Variants in GAB1 observed in about 807,000 individuals in gnomAD.
GAB1 encodes GRB2-associated-binding protein 1.
A neutral mutation model predicts 66.5 loss-of-function variants in GAB1; 19 were observed. The ratio of observed to expected loss-of-function variants is 0.29; its 90% CI spans 0.20 to 0.42. GAB1 has a LOEUF of 0.42. GAB1 is among the 10% of genes least tolerant of loss of function. The probability of loss-of-function intolerance (pLI) is 1.00; values close to 1 mark genes in which losing one functional copy is unlikely to be tolerated. For synonymous variants in GAB1, 294 were observed against 301.4 expected (o/e 0.98, Z 0.25); for missense variants, 732 against 858.5 (o/e 0.85, Z 1.84).
intron 1 of GAB1, among the ~76,000 whole-genome samples, chr4:143,364,931 G>A (rs1729817866): frequency 7.0e-6 from 1 of 141,922 alleles, no homozygotes; most frequent in African/African-American, 2.7e-5. Flanking sequence ...AGGCTGGAGT[G>A]CAGTGGCGCT....
intron 2 of GAB1, among the ~76,000 whole-genome samples, chr4:143,419,641 A>C (rs1298622723): frequency 6.6e-6 from 1 of 152,168 alleles, no homozygotes; most frequent in Admixed American, 6.5e-5. Flanking sequence ...TAAAACAAGT[A>C]TCTAAGGACT....
chr4:143,349,999 C>G lies in GAB1; in HGVS notation c.72+12739C>G, dbSNP rs960680298. The G allele has an allele frequency of 1.0e-5, 16 of 1,576,330 alleles. No individual in the cohort carries two copies. The African/African-American group carries it at 1.9e-4, about 19-fold the overall frequency. On this transcript the variant is annotated intron_variant, in intron 1 of 9. Transcript: ENST00000262994. Reference sequence around the variant, plus strand: ...CATCCACTCCTTATCCTCGGCCTTGCCTCCGCGACCCCGGCCCCGGATGCC... The same window carrying G: ...CATCCACTCCTTATCCTCGGCCTTGGCTCCGCGACCCCGGCCCCGGATGCC...
chr4:143,340,214 T>G (rs1201954307), intron 1 of GAB1, among the ~76,000 whole-genome samples: 1 of 152,218 alleles, frequency 6.6e-6, no homozygotes, highest in African/African-American at 2.4e-5. Context: ...TTTTTTTATG[T>G]AGAATGTTTA....
intron 1 of GAB1, among the ~76,000 whole-genome samples, chr4:143,381,460 G>A (rs545636377): frequency 4.5e-4 from 69 of 152,228 alleles, no homozygotes; most frequent in African/African-American, 1.5e-3. Flanking sequence ...TTCAGCCCTT[G>A]GCCTCTGTAG....
chr4:143,425,508 T>A, intron 2 of GAB1: 1 of 762,060 alleles, frequency 1.3e-6, no homozygotes, highest in Non-Finnish European at 2.4e-6. Flanking sequence ...TTCTCCTCTG[T>A]GCCATGTGGA....
At position 143,348,116 on chromosome 4, in the gene GAB1, T is replaced by C. The variant is rs80194956; in HGVS notation, c.72+10856T>C. On this transcript the variant is annotated intron_variant, in intron 1 of 9. Coordinates refer to ENST00000262994, the MANE Select transcript of GAB1 (RefSeq NM_002039.4). ...TGAAATCGTGAACTCCTTTGAAAAT[T>C]TGAGGCTCCCAGTTCCCATAAGAAC... Among the ~76,000 whole-genome samples the C allele has an allele frequency of 4.3e-3, 653 of 152,314 alleles. 3 individuals are homozygous for C. Among genetic ancestry groups the C allele is most frequent in the Non-Finnish European group, 7.2e-3 (488 of 68,032 alleles).
chr4:143,344,312 C>T (rs1367935034), intron 1 of GAB1, among the ~76,000 whole-genome samples: 1 of 152,154 alleles, frequency 6.6e-6, no homozygotes, highest in Non-Finnish European at 1.5e-5. Context: ...AACCCCCTCT[C>T]CCTGTGGATG....
rs755682103 is a variant in GAB1, at chr4:143,436,961, G to A, written c.594-1038G>A. 1.6e-4 allele frequency among the ~76,000 whole-genome samples: 25 copies of A among 152,082 alleles called. 1 individual carries two copies. The highest frequency in any genetic ancestry group is 4.1e-4 in the South Asian group (2 of 4,826). On this transcript the variant is annotated intron_variant, in intron 3 of 9. Transcript: ENST00000262994. ...GTTGGCCATTCCCAGGGAGAGAGAC[G>A]GGAGGAAGGAGCCAGTAAGTGAAAC...
At chr4:143,338,385 C>T (rs994972831) in intron 1 of GAB1, among the ~76,000 whole-genome samples, 3 of 152,134 alleles carry the variant, frequency 2.0e-5, no homozygotes, top group African/African-American at 7.2e-5. Context: ...ATATCTACAC[C>T]CAGTATTAGA....
Position 143,459,407 on chromosome 4 carries a change from A to G in GAB1, c.1608A>G (p.Ile536Met), listed in dbSNP as rs761922949. 5 of 1,609,574 alleles carry G rather than the reference A, an allele frequency of 3.1e-6. No individual in the cohort carries two copies. Among genetic ancestry groups the G allele is most frequent in the Non-Finnish European group, 4.3e-6 (5 of 1,175,940 alleles). ...DRKVKPAPLE[I>M]KPLPEWEELQ... ...CAGTCAAGCCAGCGCCTTTAGAAAT[A>G]AAACCTTTGCCAGAATGGGAAGAAT... is the stretch of plus-strand genomic sequence containing the variant. The change falls in exon 7 of 10, where the codon ATA (isoleucine) becomes ATG (methionine). Residue 536 changes from isoleucine to methionine, a missense_variant. By Grantham distance (10) the Ile-to-Met change is conservative. This residue lies in a region of GAB1 where 204 missense variants were observed against 276.8 expected (regional missense o/e 0.74). Coordinates refer to ENST00000262994, the MANE Select transcript of GAB1 (RefSeq NM_002039.4).
intron 1 of GAB1, among the ~76,000 whole-genome samples, chr4:143,399,665 T>C: frequency 6.6e-6 from 1 of 152,222 alleles, no homozygotes. Context: ...GTGGCGGAAG[T>C]CTTTCTGTTC....
chr4:143,365,120 G>T (rs188414552), intron 1 of GAB1, among the ~76,000 whole-genome samples: 2 of 151,612 alleles, frequency 1.3e-5, no homozygotes, highest in African/African-American at 2.4e-5. Flanking sequence ...CTTGTGATCC[G>T]CCCGCCTCTG....
intron 1 of GAB1, among the ~76,000 whole-genome samples, chr4:143,402,261 T>C (rs1312833430): frequency 6.6e-6 from 1 of 152,232 alleles, no homozygotes. Flanking sequence ...CCCTAGGCGA[T>C]CCAGGTTGAT....
At chr4:143,342,762 C>T (rs1311259324) in intron 1 of GAB1, among the ~76,000 whole-genome samples, 1 of 151,658 alleles carries the variant, frequency 6.6e-6, no homozygotes, top group East Asian at 1.9e-4. Context: ...GGGGTTTTGC[C>T]ATGTTGGCCA....
rs576566985 is a variant in GAB1 at position 143,341,719 on chromosome 4, T to A, written c.72+4459T>A. Among the ~76,000 whole-genome samples, 106 of 152,196 alleles carry A rather than the reference T, an allele frequency of 7.0e-4. 1 individual carries two copies. Among genetic ancestry groups the A allele is most frequent in the Non-Finnish European group, 1.2e-3 (85 of 68,032 alleles). Reference sequence around the variant, plus strand: ...ACACCCCTGGTTCTGGAAATGGGCCTAGAAACAGAAATAGCCTCTCCTACT... The same window carrying A: ...ACACCCCTGGTTCTGGAAATGGGCCAAGAAACAGAAATAGCCTCTCCTACT... On this transcript the variant is annotated intron_variant, in intron 1 of 9. Coordinates refer to ENST00000262994, the MANE Select transcript of GAB1 (RefSeq NM_002039.4).
At chr4:143,383,569 C>T (rs1359064468) in intron 1 of GAB1, among the ~76,000 whole-genome samples, 1 of 152,158 alleles carries the variant, frequency 6.6e-6, no homozygotes, top group Admixed American at 6.5e-5. Flanking sequence ...GAGGTATTTA[C>T]TTCCAGACTG....
At chr4:143,354,112 T>G (rs537413648) in intron 1 of GAB1, among the ~76,000 whole-genome samples, 1 of 152,292 alleles carries the variant, frequency 6.6e-6, no homozygotes, top group South Asian at 2.1e-4. Flanking sequence ...ATTTACTCAA[T>G]CAAGGAAGGC....
chr4:143,373,056 C>G (rs1455419299), intron 1 of GAB1, among the ~76,000 whole-genome samples: 6 of 151,892 alleles, frequency 4.0e-5, no homozygotes, highest in Admixed American at 3.9e-4. Context: ...CACACACACA[C>G]ACACACACAC....
At chr4:143,417,611 G>A (rs1006286769) in intron 2 of GAB1, 5 of 174,528 alleles carry the variant, frequency 2.9e-5, no homozygotes, top group Non-Finnish European at 6.0e-5. Flanking sequence ...GTTTCACCAC[G>A]TTGGCCAGGC....
Sources: allele counts gnomAD v4.1 joint callset (sites outside exome capture counted in the v4.1 genomes callset), GRCh38; gene constraint gnomAD v4.1.1; regional missense constraint gnomAD v4.1.1; transcripts MANE v1.5; gene names NCBI Gene and HGNC (gene_info 2026-07-23, HGNC 2026-07-21).